Variants in PCNX1 observed in about 807,000 individuals in gnomAD.
PCNX1 encodes pecanex 1.
PCNX1 carries 78 observed loss-of-function variants against 242.2 expected under a neutral mutation model. The ratio of observed to expected loss-of-function variants is 0.32; its 90% CI spans 0.27 to 0.39. The LOEUF (loss-of-function observed/expected upper bound fraction) is 0.39. PCNX1 is among the 10% of genes least tolerant of loss of function. The probability of loss-of-function intolerance (pLI) is 1.00; values close to 1 mark genes in which losing one functional copy is unlikely to be tolerated. For synonymous variants in PCNX1, 1,024 were observed against 1,032.9 expected, an observed-to-expected ratio of 0.99 and a Z score of 0.17; for missense variants, 2,581 against 2,856.5, an observed-to-expected ratio of 0.90 and a Z score of 2.20.
chr14:71,076,078 G>GT (rs1184102963), intron 27 of PCNX1, 111 bp from the exon 28 acceptor site: 1 of 666,296 alleles, frequency 1.5e-6, no homozygotes, highest in African/African-American at 1.8e-5. Context: ...ACTAAAAAGT[G>GT]TTTTACTATT....
chr14:71,086,690 C>T (rs915032071), intron 28 of PCNX1, among the ~76,000 whole-genome samples: 1 of 152,198 alleles, frequency 6.6e-6, no homozygotes, highest in South Asian at 2.1e-4. Flanking sequence ...CGTAGATCTC[C>T]GAGTTCCCTC....
chr14:70,941,594 AG>A (rs1467192738), intron 1 of PCNX1, among the ~76,000 whole-genome samples: 1 of 152,176 alleles, frequency 6.6e-6, no homozygotes, highest in Non-Finnish European at 1.5e-5. Context: ...CCACTTGAGG[AG>A]GCAGTTTGTC....
chr14:71,088,515 A>G (rs1160591592), intron 29 of PCNX1, 85 bp downstream of exon 29: 2 of 721,120 alleles, frequency 2.8e-6, no homozygotes, highest in African/African-American at 1.8e-5. Context: ...GGACGCATGT[A>G]TTCTATGCTA....
intron 5 of PCNX1, 88 bp from the exon 6 acceptor site, chr14:70,976,854 T>C (rs1426533101): frequency 1.3e-5 from 14 of 1,090,242 alleles, no homozygotes; most frequent in Non-Finnish European, 1.6e-5. Context: ...CTTGATTTAC[T>C]GTATGCAGTG....
At chr14:71,106,486 T>C (rs2062625119) in intron 33 of PCNX1, among the ~76,000 whole-genome samples, 1 of 152,014 alleles carries the variant, frequency 6.6e-6, no homozygotes, top group Non-Finnish European at 1.5e-5. Flanking sequence ...ATGAAATCAC[T>C]AGGCCAAAGC....
intron 1 of PCNX1, among the ~76,000 whole-genome samples, chr14:70,916,763 G>T (rs1263109406): frequency 6.6e-6 from 1 of 152,142 alleles, no homozygotes; most frequent in Non-Finnish European, 1.5e-5. Flanking sequence ...GGTGGCTGTG[G>T]CAATTTCTTA....
chr14:71,073,109 A>G (rs971838345), intron 26 of PCNX1, among the ~76,000 whole-genome samples: 17 of 152,332 alleles, frequency 1.1e-4, no homozygotes, highest in African/African-American at 4.1e-4. Flanking sequence ...CAAGACCAAC[A>G]TGGTGAAACC....
At chr14:71,032,312 A>G (rs1271736840) in intron 16 of PCNX1, among the ~76,000 whole-genome samples, 1 of 152,108 alleles carries the variant, frequency 6.6e-6, no homozygotes, top group Non-Finnish European at 1.5e-5. Context: ...AGCTCTTAAG[A>G]TATTAACTTT....
At chr14:70,937,785 T>C (rs1438393949) in intron 1 of PCNX1, among the ~76,000 whole-genome samples, 1 of 152,214 alleles carries the variant, frequency 6.6e-6, no homozygotes, top group Non-Finnish European at 1.5e-5. Context: ...GTTCTTCCAT[T>C]TGTTTGTGTC....
At chr14:71,075,380 T>C (rs2061691463) in intron 27 of PCNX1, among the ~76,000 whole-genome samples, 1 of 152,156 alleles carries the variant, frequency 6.6e-6, no homozygotes, top group Non-Finnish European at 1.5e-5. Context: ...TATGTTTGGC[T>C]TAACCTAACC....
chr14:71,083,129 A>G lies in PCNX1; in HGVS notation c.5338-5201A>G, dbSNP rs138102756. On this transcript the variant is annotated intron_variant, in intron 28 of 35. Coordinates refer to ENST00000304743, the MANE Select transcript of PCNX1 (RefSeq NM_014982.3). ...CTTATGAAGCTTAGTTTGGCTGGAT[A>G]TGCAATTCTGGGTTGAAAATTCTTT... 8.8e-3 allele frequency among the ~76,000 whole-genome samples: 1,342 copies of G among 152,312 alleles called. 8 individuals carry two copies. Among genetic ancestry groups the G allele is most frequent in the South Asian group, 0.017 (82 of 4,826 alleles).
At chr14:70,975,591 T>C (rs556948045) in intron 5 of PCNX1, among the ~76,000 whole-genome samples, 1 of 152,302 alleles carries the variant, frequency 6.6e-6, no homozygotes, top group African/African-American at 2.4e-5. Context: ...AGATTTACTA[T>C]AGAATCTGTT....
chr14:70,938,661 A>T (rs1257130209), intron 1 of PCNX1, among the ~76,000 whole-genome samples: 5 of 151,920 alleles, frequency 3.3e-5, no homozygotes, highest in African/African-American at 1.2e-4. Context: ...GTTAGGGAGG[A>T]TTCTCTCTTT....
chr14:70,941,334 A>G (rs1311258041), intron 1 of PCNX1, among the ~76,000 whole-genome samples: 1 of 152,000 alleles, frequency 6.6e-6, no homozygotes, highest in East Asian at 2.0e-4. Context: ...TCTATTTGTT[A>G]GTTTTCCTTC....
intron 16 of PCNX1, chr14:71,031,647 G>A: frequency 3.0e-6 from 2 of 662,928 alleles, no homozygotes; most frequent in Admixed American, 4.0e-5. Flanking sequence ...CTGTGGGTGG[G>A]ACGTCTCTCA....
chr14:71,030,178 T>G (rs2060342815), intron 16 of PCNX1, among the ~76,000 whole-genome samples: 1 of 152,212 alleles, frequency 6.6e-6, no homozygotes, highest in Admixed American at 6.5e-5. Context: ...AGCAATCTCC[T>G]AACCTGTTTT....
chr14:70,999,796 G>A (rs1370844132), intron 8 of PCNX1, among the ~76,000 whole-genome samples: 3 of 152,128 alleles, frequency 2.0e-5, no homozygotes, highest in African/African-American at 4.8e-5. Context: ...ACTTTAAAAA[G>A]CAGAGACTCA....
intron 1 of PCNX1, among the ~76,000 whole-genome samples, chr14:70,934,814 T>G (rs1459416609): frequency 2.0e-5 from 3 of 152,196 alleles, no homozygotes; most frequent in Non-Finnish European, 4.4e-5. Context: ...GTTTCAGTTT[T>G]GTAAAACGAA....
chr14:71,005,518 A>AG (rs963824324), intron 8 of PCNX1, among the ~76,000 whole-genome samples: 5 of 147,058 alleles, frequency 3.4e-5, no homozygotes, highest in East Asian at 2.0e-4. Context: ...AAAAAAAAAA[A>AG]GGGGGGGTGG....
Sources: gnomAD v4.1 joint callset for allele counts (sites outside exome capture counted in the v4.1 genomes callset) on GRCh38, gnomAD v4.1.1 for gene constraint, MANE v1.5 for transcripts, NCBI Gene and HGNC (gene_info 2026-07-23, HGNC 2026-07-21) for gene names.